Variants in SAMSN1 observed in about 807,000 individuals in gnomAD.
The protein encoded by SAMSN1 is SAM domain-containing protein SAMSN-1.
SAMSN1 carries 31 observed loss-of-function variants against 42.0 expected under a neutral mutation model. That is an observed-to-expected ratio of 0.74 (90% CI 0.55 to 1.00). SAMSN1 has a LOEUF of 1.00. Among genes scored for constraint, SAMSN1 ranks in the 50% least tolerant of loss-of-function variants. The probability of loss-of-function intolerance (pLI) is 0.00; values close to 1 mark genes in which losing one functional copy is unlikely to be tolerated. For synonymous variants in SAMSN1, 178 were observed against 151.9 expected, an observed-to-expected ratio of 1.17 and a Z score of -1.26; for missense variants, 464 against 439.4, an observed-to-expected ratio of 1.06 and a Z score of -0.50.
chr21:14,614,970 T>C (rs1329517347), intron 3 of SAMSN1, among the ~76,000 whole-genome samples: 1 of 152,232 alleles, frequency 6.6e-6, no homozygotes, highest in Non-Finnish European at 1.5e-5. Flanking sequence ...ATCCTCCTTC[T>C]GTCATCTATG....
chr21:14,609,632 C>G lies in SAMSN1; in HGVS notation c.236-64G>C. On this transcript the variant is annotated intron_variant, in intron 4 of 15. Coordinates refer to the SAMSN1 transcript ENST00000647101. ...TAACATTTGTCCAGTAAGTATAAGA[C>G]ATTTGAAATCAAAACAAGTTCAGCA... The G allele has an allele frequency of 1.4e-5, 10 of 712,648 alleles. No homozygotes were observed. The South Asian group carries it at 1.5e-4, about 11-fold the overall frequency. 44.1% of individuals were successfully genotyped at this position (712,648 alleles called of 1,614,324 possible). A position where few individuals can be genotyped will look rare whatever the true frequency, so the allele number is the denominator to read the frequency against.
intron 1 of SAMSN1, among the ~76,000 whole-genome samples, chr21:14,526,187 G>C (rs1466343003): frequency 6.6e-6 from 1 of 152,098 alleles, no homozygotes; most frequent in Non-Finnish European, 1.5e-5. Context: ...ACTTTAATAA[G>C]GAATCAATTT....
intron 2 of SAMSN1, among the ~76,000 whole-genome samples, chr21:14,551,877 A>G (rs1706609223): frequency 1.3e-5 from 2 of 152,090 alleles, no homozygotes; most frequent in African/African-American, 2.4e-5. Flanking sequence ...TCAGGATTCA[A>G]TCCAAAGCCT....
At chr21:14,630,167 C>A (rs1467928234) in intron 2 of SAMSN1, among the ~76,000 whole-genome samples, 1 of 152,142 alleles carries the variant, frequency 6.6e-6, no homozygotes, top group East Asian at 1.9e-4. Flanking sequence ...CTTGCTCTCC[C>A]AGGGCTGCTA....
Position 14,516,374 on chromosome 21 carries a change from T to A in SAMSN1, c.279+518A>T, listed in dbSNP as rs143466396. Reference sequence around the variant, plus strand: ...TCTTCACATTGTTCTTCGCATCACATTCTAGATGCATGATCTTTTTTTTTG... The same window carrying A: ...TCTTCACATTGTTCTTCGCATCACAATCTAGATGCATGATCTTTTTTTTTG... On this transcript the variant is annotated intron_variant, in intron 3 of 7. Coordinates refer to ENST00000400566, the MANE Select transcript of SAMSN1 (RefSeq NM_022136.5). Among the ~76,000 whole-genome samples, 27 of 152,274 alleles carry A rather than the reference T, an allele frequency of 1.8e-4. No homozygotes were observed. In the East Asian group the frequency reaches 5.0e-3, roughly 28 times the overall value.
chr21:14,563,824 T>C (rs1981022118), intron 2 of SAMSN1, among the ~76,000 whole-genome samples: 1 of 152,198 alleles, frequency 6.6e-6, no homozygotes, highest in Non-Finnish European at 1.5e-5. Flanking sequence ...GAAGGAGCTG[T>C]GAATGCCCCG....
chr21:14,553,942 A>G (rs539053453), intron 2 of SAMSN1, among the ~76,000 whole-genome samples: 3 of 152,148 alleles, frequency 2.0e-5, no homozygotes, highest in African/African-American at 7.2e-5. Context: ...TAAGTTCTTC[A>G]TCTCTCTTTG....
intron 1 of SAMSN1, among the ~76,000 whole-genome samples, chr21:14,645,767 C>T (rs777166815): frequency 1.1e-4 from 16 of 152,054 alleles, no homozygotes; most frequent in Admixed American, 4.6e-4. Flanking sequence ...CAAAATAACA[C>T]GGATAAGGAA....
At chr21:14,557,765 C>G (rs929095716) in intron 2 of SAMSN1, among the ~76,000 whole-genome samples, 2 of 152,198 alleles carry the variant, frequency 1.3e-5, no homozygotes, top group South Asian at 2.1e-4. Flanking sequence ...CCATTCTCCT[C>G]CTTTCTTTCT....
chr21:14,532,246 G>T (rs974566858), intron 1 of SAMSN1, among the ~76,000 whole-genome samples: 2 of 152,190 alleles, frequency 1.3e-5, no homozygotes, highest in Non-Finnish European at 2.9e-5. Flanking sequence ...TATGCCACCT[G>T]AGGTTGAGTG....
intron 1 of SAMSN1, 100 bp from the exon 2 acceptor site, chr21:14,521,321 T>G: frequency 1.4e-6 from 1 of 727,796 alleles, no homozygotes; most frequent in Non-Finnish European, 2.3e-6. Context: ...CACCGTCTCT[T>G]GCAAATACAG....
intron 1 of SAMSN1, among the ~76,000 whole-genome samples, chr21:14,538,417 G>A (rs920205943): frequency 3.9e-5 from 6 of 152,074 alleles, no homozygotes; most frequent in Admixed American, 3.9e-4. Context: ...CATCTACAGG[G>A]CTTTTTTCTT....
chr21:14,643,901 G>C (rs1490486802), intron 1 of SAMSN1, among the ~76,000 whole-genome samples: 1 of 152,164 alleles, frequency 6.6e-6, no homozygotes, highest in Non-Finnish European at 1.5e-5. Context: ...ATTGAACTTA[G>C]TGCTGTCCTG....
At position 14,485,431 on chromosome 21, in the gene SAMSN1, C is replaced by A. The variant is rs1434801983; in HGVS notation, c.*481G>T. The A allele has an allele frequency of 6.6e-6, 1 of 152,566 alleles. No homozygotes were observed. Among genetic ancestry groups the A allele is most frequent in the African/African-American group, 2.4e-5 (1 of 41,394 alleles). 9.5% of individuals were successfully genotyped at this position (152,566 alleles called of 1,614,324 possible). On this transcript the variant is annotated 3_prime_UTR_variant, in exon 8 of 8. Transcript: ENST00000400566. Reference sequence around the variant, plus strand: ...TAATTACTAAAACTCCACTGTGGATCAGGATAAAATGTGTCCAATATTAAC... The same window carrying A: ...TAATTACTAAAACTCCACTGTGGATAAGGATAAAATGTGTCCAATATTAAC...
Position 14,485,933 on chromosome 21 carries a change from A to G in SAMSN1, c.1101T>C (p.Ile367=). Residue 367 remains isoleucine (I), a synonymous_variant, in exon 8 of 8, where the codon ATT becomes ATC. Coordinates refer to ENST00000400566, the MANE Select transcript of SAMSN1 (RefSeq NM_022136.5). ...GTGTTCAGTCACTTGGCTCTGTGAT[A>G]ATAATCTTATGTACCATGTCAGACA... ...ENLSDMVHKI[I]ITEPSD is the part of the protein sequence containing the mutation. 2 of 1,613,542 alleles carry G rather than the reference A, an allele frequency of 1.2e-6. No homozygotes were observed. The highest frequency in any genetic ancestry group is 1.7e-6 in the Non-Finnish European group (2 of 1,179,586).
intron 7 of SAMSN1, among the ~76,000 whole-genome samples, chr21:14,487,812 A>G (rs1009797637): frequency 2.0e-5 from 3 of 152,152 alleles, no homozygotes; most frequent in African/African-American, 7.2e-5. Context: ...GCCTAGTGAT[A>G]TTATAACTAG....
chr21:14,576,210 A>C (rs1981456671), intron 2 of SAMSN1, among the ~76,000 whole-genome samples: 1 of 152,138 alleles, frequency 6.6e-6, no homozygotes, highest in Non-Finnish European at 1.5e-5. Context: ...ATTAGATTTG[A>C]GCTTCAGGAT....
At chr21:14,659,138 C>T (rs1983959963), upstream of SAMSN1, among the ~76,000 whole-genome samples, 1 of 151,906 alleles carries the variant, frequency 6.6e-6, no homozygotes, top group African/African-American at 2.4e-5. Context: ...TAACATCTTC[C>T]TCTTAAAAGT....
intron 1 of SAMSN1, among the ~76,000 whole-genome samples, chr21:14,529,109 T>TG (rs1485080096): frequency 6.6e-6 from 1 of 152,214 alleles, no homozygotes; most frequent in African/African-American, 2.4e-5. Context: ...TAACACTTCT[T>TG]GCTGGCCACT....
Sources: gnomAD v4.1 joint callset for allele counts (sites outside exome capture counted in the v4.1 genomes callset) on GRCh38, gnomAD v4.1.1 for gene constraint, MANE v1.5 for transcripts, NCBI Gene and HGNC (gene_info 2026-07-23, HGNC 2026-07-21) for gene names.